LRFN5: variants seen among roughly 807,000 people sequenced by gnomAD.
LRFN5 encodes the protein leucine rich repeat and fibronectin type III domain containing 5.
Under a neutral mutation model 45.6 loss-of-function variants are expected in LRFN5, and 24 were observed. The observed-to-expected ratio is 0.53, with a 90% CI of 0.38 to 0.74. The LOEUF (loss-of-function observed/expected upper bound fraction) is 0.74. Ranked by LOEUF, LRFN5 falls within the 30% of genes least tolerant of loss-of-function variation. The probability of loss-of-function intolerance (pLI) is 0.00; values close to 1 mark genes in which losing one functional copy is unlikely to be tolerated. For missense variants in LRFN5, 776 were observed against 861.5 expected (o/e 0.90, Z 1.24); for synonymous variants, 340 against 313.8 (o/e 1.08, Z -0.88).
At chr14:41,621,129 C>G (rs138707710) in intron 1 of LRFN5, among the ~76,000 whole-genome samples, 1 of 151,730 alleles carries the variant, frequency 6.6e-6, no homozygotes, top group Middle Eastern at 3.4e-3. Context: ...TGAGGATACA[C>G]GAAAAAGAAA....
At chr14:41,784,967 A>G (rs2138928351) in intron 2 of LRFN5, among the ~76,000 whole-genome samples, 1 of 152,186 alleles carries the variant, frequency 6.6e-6, no homozygotes, top group Non-Finnish European at 1.5e-5. Context: ...ATTTAGCATT[A>G]CCATGTTCTC....
chr14:41,673,383 G>A (rs1294849598), intron 1 of LRFN5, among the ~76,000 whole-genome samples: 15 of 143,820 alleles, frequency 1.0e-4, no homozygotes, highest in African/African-American at 3.6e-4. Flanking sequence ...GCGGCTGGCC[G>A]GGCAGGGGGC....
intron 2 of LRFN5, among the ~76,000 whole-genome samples, chr14:41,781,891 T>C (rs935126111): frequency 6.6e-6 from 1 of 152,106 alleles, no homozygotes; most frequent in African/African-American, 2.4e-5. Context: ...ACATGAGTCC[T>C]GATGGGAAGC....
intron 1 of LRFN5, among the ~76,000 whole-genome samples, chr14:41,643,640 A>T (rs182560753): frequency 6.6e-6 from 1 of 152,050 alleles, no homozygotes; most frequent in African/African-American, 2.4e-5. Context: ...TTCATCTATA[A>T]ACTATTTTTC....
chr14:41,614,671 C>G (rs573636369), intron 1 of LRFN5, among the ~76,000 whole-genome samples: 6 of 152,128 alleles, frequency 3.9e-5, no homozygotes, highest in African/African-American at 4.8e-5. Flanking sequence ...AATTCTACCC[C>G]CCTTGGTCAC....
intron 1 of LRFN5, among the ~76,000 whole-genome samples, chr14:41,760,416 T>G (rs1433259239): frequency 6.6e-6 from 1 of 152,134 alleles, no homozygotes; most frequent in African/African-American, 2.4e-5. Flanking sequence ...AAAAGAATAA[T>G]GTACTCATGT....
chr14:41,643,827 C>T (rs1594576313), intron 1 of LRFN5, among the ~76,000 whole-genome samples: 1 of 152,202 alleles, frequency 6.6e-6, no homozygotes, highest in East Asian at 1.9e-4. Flanking sequence ...ACACATGAAA[C>T]CATCTTTCCC....
intron 2 of LRFN5, among the ~76,000 whole-genome samples, chr14:41,827,681 C>T (rs181425386): frequency 6.6e-6 from 1 of 152,066 alleles, no homozygotes; most frequent in Non-Finnish European, 1.5e-5. Context: ...TACTCGTTAA[C>T]CAATTAAAGC....
At chr14:41,849,762 T>C (rs1889201092) in intron 2 of LRFN5, among the ~76,000 whole-genome samples, 1 of 151,978 alleles carries the variant, frequency 6.6e-6, no homozygotes, top group African/African-American at 2.4e-5. Context: ...TTGTAACTTT[T>C]ATAAATTTTA....
chr14:41,623,296 C>CTTGTGAAGCGGCTGCTTTG (rs1297019218), intron 1 of LRFN5, among the ~76,000 whole-genome samples: 1 of 152,138 alleles, frequency 6.6e-6, no homozygotes, highest in Non-Finnish European at 1.5e-5. Flanking sequence ...TACCTGCCAC[C>CTTGTGAAGCGGCTGCTTTG]TTGTGAAGCG....
chr14:41,852,099 C>G (rs898566154), intron 2 of LRFN5, among the ~76,000 whole-genome samples: 3 of 151,676 alleles, frequency 2.0e-5, no homozygotes. Flanking sequence ...CCTTAAATTG[C>G]TTATTTACTA....
At chr14:41,729,552 A>G (rs748210806) in intron 1 of LRFN5, among the ~76,000 whole-genome samples, 1 of 152,152 alleles carries the variant, frequency 6.6e-6, no homozygotes, top group East Asian at 1.9e-4. Flanking sequence ...AGTATTACCT[A>G]TCCTCATTTT....
chr14:41,739,171 A>G (rs1475937077), intron 1 of LRFN5, among the ~76,000 whole-genome samples: 1 of 152,174 alleles, frequency 6.6e-6, no homozygotes, highest in Non-Finnish European at 1.5e-5. Context: ...GGATTGCTTG[A>G]ACTCAGGAGT....
At chr14:41,649,648 A>G (rs1159372961) in intron 1 of LRFN5, among the ~76,000 whole-genome samples, 1 of 152,124 alleles carries the variant, frequency 6.6e-6, no homozygotes, top group Non-Finnish European at 1.5e-5. Context: ...TTGATATTTT[A>G]TCAGGTTCCT....
intron 2 of LRFN5, among the ~76,000 whole-genome samples, chr14:41,859,200 C>T (rs896625285): frequency 6.6e-6 from 1 of 152,160 alleles, no homozygotes; most frequent in African/African-American, 2.4e-5. Flanking sequence ...CCACTGAGAG[C>T]CATCTCCAGC....
Position 41,634,754 on chromosome 14 carries a change from G to A in LRFN5, c.-197+26192G>A, listed in dbSNP as rs141528970. 1.9e-3 allele frequency among the ~76,000 whole-genome samples: 288 copies of A among 152,156 alleles called. 1 individual carries two copies. Among genetic ancestry groups the A allele is most frequent in the East Asian group, 9.5e-3 (49 of 5,176 alleles). ...GTAGGGTTTGGGTCTGTTTTAATTT[G>A]TATCATTTTCAGTTTTGATTCCTTT... On this transcript the variant is annotated intron_variant, in intron 1 of 5. Transcript: ENST00000298119.
intron 1 of LRFN5, among the ~76,000 whole-genome samples, chr14:41,616,182 A>C (rs1016109627): frequency 6.6e-6 from 1 of 152,138 alleles, no homozygotes; most frequent in African/African-American, 2.4e-5. Context: ...GAAATGGAGC[A>C]ACACAAGAAG....
At chr14:41,861,940 G>A (rs1204967057) in intron 2 of LRFN5, among the ~76,000 whole-genome samples, 1 of 152,094 alleles carries the variant, frequency 6.6e-6, no homozygotes, top group Non-Finnish European at 1.5e-5. Context: ...TGTGTTGAGG[G>A]AGGGACCTGG....
intron 1 of LRFN5, among the ~76,000 whole-genome samples, chr14:41,689,479 A>G (rs951230854): frequency 6.6e-6 from 1 of 152,214 alleles, no homozygotes; most frequent in African/African-American, 2.4e-5. Flanking sequence ...GCTTATGCAA[A>G]CAAATTAAAT....
Sources: gnomAD v4.1 joint callset for allele counts (sites outside exome capture counted in the v4.1 genomes callset) on GRCh38, gnomAD v4.1.1 for gene constraint, MANE v1.5 for transcripts, NCBI Gene and HGNC (gene_info 2026-07-23, HGNC 2026-07-21) for gene names.